ALKBH6: variants seen among roughly 807,000 people sequenced by gnomAD.
ALKBH6 encodes probable RNA/DNA demethylase ALKBH6.
ALKBH6 carries 20 observed loss-of-function variants against 25.1 expected under a neutral mutation model. The ratio of observed to expected loss-of-function variants is 0.80; its 90% CI spans 0.56 to 1.16. ALKBH6 has a LOEUF of 1.16. ALKBH6 is among the 50% of genes most tolerant of loss of function. The pLI is 0.00. For synonymous variants in ALKBH6, 156 were observed against 147.5 expected (o/e 1.06, Z -0.42); for missense variants, 263 against 326.5 (o/e 0.81, Z 1.50).
intron 3 of ALKBH6, chr19:36,012,802 A>G (rs891787185): frequency 9.1e-6 from 5 of 546,858 alleles, no homozygotes; most frequent in Admixed American, 6.5e-5. Context: ...CCCAGTCTCA[A>G]TGATCTGAAC....
intron 4 of ALKBH6, 95 bp downstream of exon 4, chr19:36,011,309 C>G: frequency 6.8e-7 from 1 of 1,479,606 alleles, no homozygotes; most frequent in Non-Finnish European, 9.2e-7. Context: ...CTTGAGCTGT[C>G]AGGGACCCTC....
Position 36,013,963 on chromosome 19 carries a change from G to A in ALKBH6, c.-26+212C>T, listed in dbSNP as rs1307719267. On this transcript the variant is annotated intron_variant, in intron 1 of 6. Coordinates refer to ENST00000378875, the MANE Select transcript of ALKBH6 (RefSeq NM_032878.5). The surrounding 1 kb of genome is among the most constrained non-coding windows in gnomAD (Gnocchi z 4.6). ...GGACGCCCCTCGGATTTCCCCTCCT[G>A]AGCGCCCCTTCACTCCAGCACCCTG... The A allele has an allele frequency of 7.3e-6, 10 of 1,375,768 alleles. No homozygotes were observed. The highest frequency in any genetic ancestry group is 9.3e-6 in the Non-Finnish European group (10 of 1,070,806). The allele number at this position is 1,375,768 out of a possible 1,614,324, so 85.2% of individuals were successfully genotyped here.
intron 3 of ALKBH6, 109 bp downstream of exon 3, chr19:36,012,912 C>A: frequency 9.3e-7 from 1 of 1,080,404 alleles, no homozygotes; most frequent in African/African-American, 1.6e-5. Context: ...TTCCTTGTTC[C>A]TTCTGTCGGG....
Position 36,011,467 on chromosome 19 carries a change from A to G in ALKBH6, c.124-3T>C. 6.2e-7 allele frequency: 1 copy of G among 1,613,540 alleles called. No homozygotes were observed. The highest frequency in any genetic ancestry group is 8.5e-7 in the Non-Finnish European group (1 of 1,179,862). On this transcript the variant is annotated splice_region_variant and splice_polypyrimidine_tract_variant and intron_variant, in intron 3 of 6. Coordinates refer to ENST00000378875, the MANE Select transcript of ALKBH6 (RefSeq NM_032878.5). ...TTTGGCTTTGGGGCATTAAAAACCT[A>G]AGAGGTGGGAAGGGGGTCACTCCTT...
chr19:36,014,177 T>C lies in ALKBH6; in HGVS notation c.-28A>G. On this transcript the variant is annotated splice_region_variant and 5_prime_UTR_variant, in exon 1 of 7. Coordinates refer to ENST00000378875, the MANE Select transcript of ALKBH6 (RefSeq NM_032878.5). The stretch of plus-strand genomic sequence containing the variant: ...CCCCAGCACTCCCCAAAACTGACCG[T>C]CCACCAGCGTCCCCTCCAATTTCCA... 1.2e-6 allele frequency: 2 copies of C among 1,611,896 alleles called. No individual in the cohort carries two copies. Among genetic ancestry groups the C allele is most frequent in the Non-Finnish European group, 1.7e-6 (2 of 1,179,004 alleles).
In ALKBH6 at chr19:36,013,213, T is replaced by C. The variant is rs1968665786; in HGVS notation, c.55-124A>G. 5 of 1,457,338 alleles carry C rather than the reference T, an allele frequency of 3.4e-6. No individual in the cohort carries two copies. The highest frequency in any genetic ancestry group is 1.8e-4 in the Middle Eastern group (1 of 5,682). 90.3% of individuals were successfully genotyped at this position (1,457,338 alleles called of 1,614,324 possible). The stretch of plus-strand genomic sequence containing the variant: ...TCCTCAGACAGGTCAGGGTCTAAAG[T>C]CAAGGGACCAGTGCCATTCCAGAAT... On this transcript the variant is annotated intron_variant, in intron 2 of 6. Transcript: ENST00000378875. The surrounding 1 kb of genome is among the most constrained non-coding windows in gnomAD (Gnocchi z 4.6).
In ALKBH6 at chr19:36,013,826, C is replaced by G. The variant is rs1296394041; in HGVS notation, c.-26+349G>C. 7.7e-7 allele frequency: 1 copy of G among 1,293,474 alleles called. No individual in the cohort carries two copies. The highest frequency in any genetic ancestry group is 3.7e-5 in the East Asian group (1 of 27,140). The allele number at this position is 1,293,474 out of a possible 1,614,324, so 80.1% of individuals were successfully genotyped here. The stretch of plus-strand genomic sequence containing the variant: ...GACCTGCAACTGTGAGCCCGGCTAT[C>G]AACACTCAGCGACCCCCGCCCCCCA... On this transcript the variant is annotated intron_variant, in intron 1 of 6. Transcript: ENST00000378875. This position sits in a 1 kb window ranked among gnomAD's most constrained non-coding sequence, Gnocchi z 4.6.
chr19:36,010,321 CA>C lies in ALKBH6; in HGVS notation c.453+245del, dbSNP rs1375639658. 7 of 519,564 alleles carry C rather than the reference CA, an allele frequency of 1.3e-5. No individual in the cohort carries two copies. Among genetic ancestry groups the C allele is most frequent in the East Asian group, 3.3e-5 (1 of 30,406 alleles). 32.2% of individuals were successfully genotyped at this position (519,564 alleles called of 1,614,324 possible). ...AGGATATCAGTGTCTGCTGGGGAGT[CA>C]GGGGTATCCATTCAGCAGGTTGGGG... On this transcript the variant is annotated intron_variant, in intron 6 of 6. Transcript: ENST00000378875. The surrounding 1 kb of genome is among the most constrained non-coding windows in gnomAD (Gnocchi z 5.5).
At position 36,009,156 on chromosome 19, in the gene ALKBH6, G is replaced by C. The variant is rs942430655; in HGVS notation, c.*134C>G. ...TTGTTTATTTGGTATGGGGTCTTCT[G>C]TAGCTCACACAAAATTATTGGGAAA... On this transcript the variant is annotated 3_prime_UTR_variant, in exon 7 of 7. Coordinates refer to ENST00000378875, the MANE Select transcript of ALKBH6 (RefSeq NM_032878.5). The C allele has an allele frequency of 1.6e-4, 191 of 1,181,298 alleles. 1 individual carries two copies. Among genetic ancestry groups the C allele is most frequent in the Non-Finnish European group, 1.9e-4 (183 of 942,162 alleles). 73.2% of individuals were successfully genotyped at this position (1,181,298 alleles called of 1,614,324 possible).
At position 36,010,765 on chromosome 19, in the gene ALKBH6, G is replaced by A; in HGVS notation, c.337-82C>T. On this transcript the variant is annotated intron_variant, in intron 5 of 6. Coordinates refer to ENST00000378875, the MANE Select transcript of ALKBH6 (RefSeq NM_032878.5). This position sits in a 1 kb window ranked among gnomAD's most constrained non-coding sequence, Gnocchi z 5.5. Reference sequence around the variant, plus strand: ...GGTCAAAGGGGGGCTTCCCAAGCCAGGGACAGGGAGGTGAATGCCTGTTTG... The same window carrying A: ...GGTCAAAGGGGGGCTTCCCAAGCCAAGGACAGGGAGGTGAATGCCTGTTTG... 6.4e-7 allele frequency: 1 copy of A among 1,566,770 alleles called. No homozygotes were observed.
chr19:36,014,055 C>G, intron 1 of ALKBH6, 120 bp downstream of exon 1: 1 of 1,536,260 alleles, frequency 6.5e-7, no homozygotes, highest in Non-Finnish European at 8.7e-7. Flanking sequence ...ATCCCCGACT[C>G]CGAGCCTTTT....
Position 36,013,111 on chromosome 19 carries a change from A to G in ALKBH6, c.55-22T>C, listed in dbSNP as rs1430533519. The G allele has an allele frequency of 6.2e-7, 1 of 1,607,618 alleles. No homozygotes were observed. Among genetic ancestry groups the G allele is most frequent in the Non-Finnish European group, 8.5e-7 (1 of 1,174,172 alleles). Reference sequence around the variant, plus strand: ...GTGCCTAGGATAGAAAGACCCCCTGAAGGTGTGGCCCTTCAACCCACACAG... The same window carrying G: ...GTGCCTAGGATAGAAAGACCCCCTGGAGGTGTGGCCCTTCAACCCACACAG... On this transcript the variant is annotated intron_variant, in intron 2 of 6. Coordinates refer to ENST00000378875, the MANE Select transcript of ALKBH6 (RefSeq NM_032878.5). The surrounding 1 kb of genome is among the most constrained non-coding windows in gnomAD (Gnocchi z 4.6).
Position 36,010,182 on chromosome 19 carries a change from G to T in ALKBH6, c.453+385C>A. On this transcript the variant is annotated intron_variant, in intron 6 of 6. Transcript: ENST00000378875. This position sits in a 1 kb window ranked among gnomAD's most constrained non-coding sequence, Gnocchi z 5.5. ...GTCAAGGAGAATCTGGGGGTGTCCTGCACCCCAAATCACATTCCTGGAGTA... is the reference window on the plus strand; with the variant it reads ...GTCAAGGAGAATCTGGGGGTGTCCTTCACCCCAAATCACATTCCTGGAGTA... The T allele has an allele frequency of 4.4e-6, 1 of 226,190 alleles. No individual in the cohort carries two copies. Among genetic ancestry groups the T allele is most frequent in the Admixed American group, 5.3e-5 (1 of 19,026 alleles). 14.0% of individuals were successfully genotyped at this position (226,190 alleles called of 1,614,324 possible).
chr19:36,009,436 C>A lies in ALKBH6; in HGVS notation c.571G>T (p.Ala191Ser). ...LHGIAAARVD[A>S]LDAASSPPNA... ...GGCGGCGAGGAGGCGGCGTCCAGCG[C>A]GTCTACGCGGGCGGCGGCGATGCCG... is the stretch of plus-strand genomic sequence containing the variant. Residue 191 changes from alanine (A) to serine (S), a missense_variant, in exon 7 of 7, where the codon GCG becomes TCG. Coordinates refer to ENST00000378875, the MANE Select transcript of ALKBH6 (RefSeq NM_032878.5). 4.0e-6 allele frequency: 5 copies of A among 1,244,968 alleles called. No individual in the cohort carries two copies. The highest frequency in any genetic ancestry group is 5.0e-6 in the Non-Finnish European group (5 of 996,376). 77.1% of individuals were successfully genotyped at this position (1,244,968 alleles called of 1,614,324 possible).
intron 4 of ALKBH6, 42 bp from the exon 5 acceptor site, chr19:36,011,087 T>A (rs557509449): frequency 6.4e-7 from 1 of 1,559,586 alleles, no homozygotes; most frequent in Non-Finnish European, 8.7e-7. Context: ...CCTATAGCAA[T>A]AGATCCCCCA....
chr19:36,009,333 C>A lies in ALKBH6; in HGVS notation c.674G>T (p.Arg225Leu). 7.4e-7 allele frequency: 1 copy of A among 1,351,408 alleles called. No individual in the cohort carries two copies. The highest frequency in any genetic ancestry group is 9.5e-7 in the Non-Finnish European group (1 of 1,049,342). The allele number at this position is 1,351,408 out of a possible 1,614,324, so 83.7% of individuals were successfully genotyped here. A position where few individuals can be genotyped will look rare whatever the true frequency, so the allele number is the denominator to read the frequency against. The change falls in exon 7 of 7, where the codon CGC (arginine) becomes CTC (leucine). Residue 225 changes from arginine (R) to leucine (L), a missense_variant. Physicochemically the swap from Arg to Leu is moderately radical, Grantham distance 102. Transcript: ENST00000378875. The part of the protein sequence containing the change: ...RGTRVSLTIR[R>L]VPRVLRAGLL... ...GCCGGCGCGCAGCACGCGGGGCACG[C>A]GGCGGATGGTCAGCGAGACCCGGGT... is the stretch of plus-strand genomic sequence containing the variant.
chr19:36,010,315 G>T lies in ALKBH6; in HGVS notation c.453+252C>A. 2.0e-6 allele frequency: 1 copy of T among 507,726 alleles called. No homozygotes were observed. Among genetic ancestry groups the T allele is most frequent in the Non-Finnish European group, 3.6e-6 (1 of 280,644 alleles). 31.5% of individuals were successfully genotyped at this position (507,726 alleles called of 1,614,324 possible). ...TATCTAAGGATATCAGTGTCTGCTG[G>T]GGAGTCAGGGGTATCCATTCAGCAG... On this transcript the variant is annotated intron_variant, in intron 6 of 6. Coordinates refer to ENST00000378875, the MANE Select transcript of ALKBH6 (RefSeq NM_032878.5). The surrounding 1 kb of genome is among the most constrained non-coding windows in gnomAD (Gnocchi z 5.5).
chr19:36,012,908 G>T (rs368909739), intron 3 of ALKBH6, 113 bp downstream of exon 3: 25 of 1,032,830 alleles, frequency 2.4e-5, no homozygotes, highest in South Asian at 1.7e-4. Context: ...TAACTTCCTT[G>T]TTCCTTCTGT....
chr19:36,013,970 C>G lies in ALKBH6; in HGVS notation c.-26+205G>C. ...CCTCGGATTTCCCCTCCTGAGCGCC[C>G]CTTCACTCCAGCACCCTGAGATCTT... is the stretch of plus-strand genomic sequence containing the variant. On this transcript the variant is annotated intron_variant, in intron 1 of 6. Transcript: ENST00000378875. This position sits in a 1 kb window ranked among gnomAD's most constrained non-coding sequence, Gnocchi z 4.6. 7.2e-7 allele frequency: 1 copy of G among 1,388,574 alleles called. No homozygotes were observed. The highest frequency in any genetic ancestry group is 9.3e-7 in the Non-Finnish European group (1 of 1,076,898). The allele number at this position is 1,388,574 out of a possible 1,614,324, so 86.0% of individuals were successfully genotyped here. A position where few individuals can be genotyped will look rare whatever the true frequency, so the allele number is the denominator to read the frequency against.
Sources: allele counts gnomAD v4.1 joint callset, GRCh38; gene constraint gnomAD v4.1.1; non-coding constraint Gnocchi (gnomAD v3.1); transcripts MANE v1.5; gene names NCBI Gene and HGNC (gene_info 2026-07-23, HGNC 2026-07-21).